SGSM1: variants seen among roughly 807,000 people sequenced by gnomAD.
SGSM1 encodes the protein RUN and TBC1 domain containing 2.
Under a neutral mutation model 133.8 loss-of-function variants are expected in SGSM1, and 73 were observed. That is an observed-to-expected ratio of 0.55 (90% CI 0.45 to 0.66). SGSM1 has a LOEUF of 0.66. SGSM1 is among the 30% of genes least tolerant of loss of function. The pLI is 0.00. For missense variants in SGSM1, 1,213 were observed against 1,448.1 expected, an observed-to-expected ratio of 0.84 and a Z score of 2.64; for synonymous variants, 563 against 573.0, an observed-to-expected ratio of 0.98 and a Z score of 0.25.
intron 12 of SGSM1, chr22:24,874,285 A>ATGTGGGAG (rs1358575274): frequency 1.2e-5 from 11 of 884,310 alleles, no homozygotes. Context: ...AACACAGTGA[A>ATGTGGGAG]TGTGGGAGCT....
At chr22:24,892,606 G>C (rs980047359) in intron 16 of SGSM1, among the ~76,000 whole-genome samples, 1 of 152,116 alleles carries the variant, frequency 6.6e-6, no homozygotes, top group African/African-American at 2.4e-5. Flanking sequence ...GGATAGGTGG[G>C]GGAAGGTCAG....
In SGSM1 at chr22:24,895,249, C is replaced by A; in HGVS notation, c.1980C>A (p.Arg660=). The A allele has an allele frequency of 6.2e-7, 1 of 1,612,122 alleles. No homozygotes were observed. The highest frequency in any genetic ancestry group is 1.3e-5 in the African/African-American group (1 of 75,014). Residue 660 remains arginine (R), a synonymous_variant, in exon 18 of 25, where the codon CGC becomes CGA. Transcript: ENST00000400358. Reference sequence around the variant, plus strand: ...CCTCCCAGAGCTGCAGTTCGGGCCGCCAGAACATCCGCCTGCACAGCGACT... The same window carrying A: ...CCTCCCAGAGCTGCAGTTCGGGCCGACAGAACATCCGCCTGCACAGCGACT... ...NESSQSCSSG[R]QNIRLHSDSS...
intron 8 of SGSM1, 50 bp downstream of exon 8, chr22:24,855,730 G>A: frequency 1.2e-6 from 2 of 1,613,736 alleles, no homozygotes; most frequent in South Asian, 1.1e-5. Context: ...CTCACTCCAG[G>A]TTATAGAGGA....
Position 24,924,396 on chromosome 22 carries a change from G to A in SGSM1, c.*122G>A. 3.8e-6 allele frequency: 3 copies of A among 788,320 alleles called. No homozygotes were observed. Among genetic ancestry groups the A allele is most frequent in the South Asian group, 3.0e-5 (2 of 66,396 alleles). The allele number at this position is 788,320 out of a possible 1,614,324, so 48.8% of individuals were successfully genotyped here. ...CCTGGTGTCTGTTCACAAGCGTGGA[G>A]TTCAGTGCGCAAAGAAACTACCCTG... On this transcript the variant is annotated 3_prime_UTR_variant, in exon 25 of 25. Transcript: ENST00000400358.
intron 24 of SGSM1, among the ~76,000 whole-genome samples, chr22:24,923,546 G>A (rs193132946): frequency 1.7e-4 from 25 of 151,482 alleles, no homozygotes; most frequent in Admixed American, 9.9e-4. Flanking sequence ...ATCTTTCAGC[G>A]TCTACTGTGT....
intron 10 of SGSM1, 58 bp from the exon 11 acceptor site, chr22:24,868,318 T>C: frequency 1.9e-6 from 3 of 1,559,900 alleles, no homozygotes; most frequent in Non-Finnish European, 2.6e-6. Flanking sequence ...AGGAAGGGGC[T>C]GTCACCGTGC....
intron 15 of SGSM1, among the ~76,000 whole-genome samples, chr22:24,885,931 A>C (rs1160391966): frequency 6.6e-6 from 1 of 152,244 alleles, no homozygotes; most frequent in African/African-American, 2.4e-5. Context: ...AGGTCCAAGA[A>C]GCAGGACTGC....
intron 16 of SGSM1, among the ~76,000 whole-genome samples, chr22:24,887,060 T>C (rs1932646973): frequency 6.6e-6 from 1 of 151,934 alleles, no homozygotes; most frequent in African/African-American, 2.4e-5. Context: ...TGACATGGTA[T>C]AATATACTCA....
chr22:24,815,105 CTA>C (rs978337244), intron 2 of SGSM1, among the ~76,000 whole-genome samples: 1 of 152,204 alleles, frequency 6.6e-6, no homozygotes, highest in Non-Finnish European at 1.5e-5. Context: ...GAATAGATTT[CTA>C]TGTTTTTTCT....
At chr22:24,815,676 C>CA (rs1928025081) in intron 2 of SGSM1, among the ~76,000 whole-genome samples, 1 of 152,184 alleles carries the variant, frequency 6.6e-6, no homozygotes, top group South Asian at 2.1e-4. Flanking sequence ...ACCTGGGAAG[C>CA]AGAGCTTGGC....
intron 20 of SGSM1, among the ~76,000 whole-genome samples, chr22:24,903,700 A>G (rs1450258679): frequency 6.6e-6 from 1 of 152,210 alleles, no homozygotes; most frequent in Non-Finnish European, 1.5e-5. Context: ...AGAAAACTAA[A>G]GAAACCATAG....
intron 4 of SGSM1, among the ~76,000 whole-genome samples, chr22:24,849,643 C>T (rs943141436): frequency 6.6e-6 from 1 of 152,232 alleles, no homozygotes; most frequent in Non-Finnish European, 1.5e-5. Context: ...GGGAGCTCAG[C>T]TCCAGAGGCT....
chr22:24,918,053 T>A (rs1933881011), intron 23 of SGSM1, among the ~76,000 whole-genome samples: 1 of 152,114 alleles, frequency 6.6e-6, no homozygotes, highest in Admixed American at 6.6e-5. Context: ...CTTGAACCCA[T>A]CTCTTTCATT....
At chr22:24,858,140 C>A (rs117132617) in intron 8 of SGSM1, among the ~76,000 whole-genome samples, 1 of 152,238 alleles carries the variant, frequency 6.6e-6, no homozygotes, top group East Asian at 1.9e-4. Flanking sequence ...CCATGCCTGG[C>A]TAATTTTTAA....
chr22:24,916,343 A>C (rs1286735833), intron 22 of SGSM1, among the ~76,000 whole-genome samples: 2 of 152,084 alleles, frequency 1.3e-5, no homozygotes, highest in African/African-American at 4.8e-5. Context: ...TCTTTTACCT[A>C]GTATAATGAT....
intron 14 of SGSM1, among the ~76,000 whole-genome samples, chr22:24,881,448 C>T (rs895610443): frequency 2.7e-5 from 4 of 150,876 alleles, no homozygotes; most frequent in African/African-American, 9.8e-5. Context: ...CGCCTGTAGT[C>T]CCAGCTACTC....
chr22:24,806,824 A>G (rs1927421415), intron 2 of SGSM1, among the ~76,000 whole-genome samples: 2 of 152,016 alleles, frequency 1.3e-5, no homozygotes, highest in Admixed American at 1.3e-4. Flanking sequence ...GGACCTTCCA[A>G]GAGAGAGAAG....
intron 6 of SGSM1, 73 bp downstream of exon 6, chr22:24,855,136 C>G: frequency 6.4e-7 from 1 of 1,560,904 alleles, no homozygotes; most frequent in Non-Finnish European, 8.7e-7. Context: ...CTCCAGGACT[C>G]TCTCACCCCT....
At chr22:24,901,471 C>T (rs1933158406) in intron 19 of SGSM1, among the ~76,000 whole-genome samples, 1 of 152,132 alleles carries the variant, frequency 6.6e-6, no homozygotes, top group African/African-American at 2.4e-5. Context: ...TTCTTATTTT[C>T]TTGCCACATC....
Sources: gnomAD v4.1 joint callset for allele counts (sites outside exome capture counted in the v4.1 genomes callset) on GRCh38, gnomAD v4.1.1 for gene constraint, MANE v1.5 for transcripts, NCBI Gene and HGNC (gene_info 2026-07-23, HGNC 2026-07-21) for gene names.